The following SNX30 variants were observed in gnomAD, a reference collection of about 807,000 sequenced individuals.
SNX30 encodes sorting nexin-30.
Under a neutral mutation model 46.4 loss-of-function variants are expected in SNX30, and 24 were observed. The observed-to-expected ratio is 0.52, with a 90% CI of 0.37 to 0.73. SNX30 has a LOEUF of 0.73. Ranked by LOEUF, SNX30 falls within the 30% of genes least tolerant of loss-of-function variation. SNX30 has a pLI of 0.00. For missense variants in SNX30, 533 were observed against 555.7 expected, an observed-to-expected ratio of 0.96 and a Z score of 0.41; for synonymous variants, 189 against 211.5, an observed-to-expected ratio of 0.89 and a Z score of 0.92.
At chr9:112,864,872 A>T (rs969222693) in intron 8 of SNX30, among the ~76,000 whole-genome samples, 1 of 152,090 alleles carries the variant, frequency 6.6e-6, no homozygotes, top group Non-Finnish European at 1.5e-5. Flanking sequence ...ACTTCAAAAT[A>T]TTGATTTTAA....
chr9:112,804,315 C>T (rs1178994861), intron 1 of SNX30, among the ~76,000 whole-genome samples: 1 of 152,198 alleles, frequency 6.6e-6, no homozygotes, highest in Non-Finnish European at 1.5e-5. Flanking sequence ...CAGGCATGCA[C>T]CACCATGTCC....
intron 7 of SNX30, among the ~76,000 whole-genome samples, chr9:112,857,455 C>T (rs1841152929): frequency 6.6e-6 from 1 of 152,040 alleles, no homozygotes; most frequent in South Asian, 2.1e-4. Flanking sequence ...TCCCAGAGGG[C>T]AGAGGACCAA....
chr9:112,813,240 A>T (rs1401585683), intron 2 of SNX30, among the ~76,000 whole-genome samples: 1 of 152,112 alleles, frequency 6.6e-6, no homozygotes, highest in Non-Finnish European at 1.5e-5. Flanking sequence ...GAGACAGAGG[A>T]TTGCTTAAGG....
intron 6 of SNX30, among the ~76,000 whole-genome samples, chr9:112,843,488 G>A (rs776872251): frequency 1.4e-4 from 22 of 152,132 alleles, no homozygotes; most frequent in Non-Finnish European, 2.6e-4. Context: ...GAGGGGAGCA[G>A]CCAGTGCAAA....
intron 1 of SNX30, among the ~76,000 whole-genome samples, chr9:112,757,107 A>G (rs1839362450): frequency 1.3e-5 from 2 of 152,196 alleles, no homozygotes; most frequent in African/African-American, 2.4e-5. Flanking sequence ...ACACTCCTCC[A>G]TATCTGCTAT....
At chr9:112,833,056 C>T (rs1011986907) in intron 4 of SNX30, among the ~76,000 whole-genome samples, 7 of 151,944 alleles carry the variant, frequency 4.6e-5, no homozygotes, top group Admixed American at 4.6e-4. Context: ...TGATAAAATA[C>T]ACCTAACATT....
chr9:112,777,851 A>G (rs1236868625), intron 1 of SNX30, among the ~76,000 whole-genome samples: 1 of 151,394 alleles, frequency 6.6e-6, no homozygotes, highest in East Asian at 1.9e-4. Flanking sequence ...TTTATCTTTT[A>G]CCCCTCATTT....
At chr9:112,868,695 A>G (rs1256041177) in intron 8 of SNX30, 89 bp from the exon 9 acceptor site, 14 of 1,397,944 alleles carry the variant, frequency 1.0e-5, no homozygotes. Flanking sequence ...AGCAGGATCG[A>G]CAACGAAAGG....
chr9:112,857,374 C>T (rs1312874782), intron 7 of SNX30, among the ~76,000 whole-genome samples: 1 of 152,174 alleles, frequency 6.6e-6, no homozygotes, highest in East Asian at 1.9e-4. Flanking sequence ...CTGTTTTCAC[C>T]TCACAGCTCA....
intron 2 of SNX30, among the ~76,000 whole-genome samples, chr9:112,817,400 G>GTTT (rs1256963697): frequency 2.9e-5 from 1 of 34,390 alleles, no homozygotes; most frequent in Non-Finnish European, 4.5e-5. Flanking sequence ...AAAAAAACTG[G>GTTT]CTTTTTTTTT....
At chr9:112,816,547 A>G (rs1840398595) in intron 2 of SNX30, among the ~76,000 whole-genome samples, 1 of 152,176 alleles carries the variant, frequency 6.6e-6, no homozygotes, top group Non-Finnish European at 1.5e-5. Flanking sequence ...CAATGCAGTT[A>G]GTTGGGGGTC....
intron 1 of SNX30, among the ~76,000 whole-genome samples, chr9:112,773,764 T>C (rs1255665277): frequency 6.6e-6 from 1 of 152,196 alleles, no homozygotes; most frequent in African/African-American, 2.4e-5. Flanking sequence ...TACTATAAAT[T>C]ATGACTTCAA....
chr9:112,826,797 G>C (rs991795016), intron 3 of SNX30, among the ~76,000 whole-genome samples: 1 of 152,158 alleles, frequency 6.6e-6, no homozygotes, highest in Non-Finnish European at 1.5e-5. Flanking sequence ...CTAAAGGAAC[G>C]GGGGAGAGAA....
intron 3 of SNX30, among the ~76,000 whole-genome samples, chr9:112,818,292 CCCAGGTTCAAGTGGATCACCTGCCCCTA>C (rs1467553045): frequency 1.3e-5 from 2 of 151,912 alleles, no homozygotes; most frequent in East Asian, 1.9e-4. Context: ...ACCTCCGACT[CCCAGGTTCAAGTGGATCACCTGCCCCTA>C]CCAGGTTCAA....
chr9:112,815,500 A>G (rs1465043582), intron 2 of SNX30, among the ~76,000 whole-genome samples: 1 of 151,898 alleles, frequency 6.6e-6, no homozygotes, highest in African/African-American at 2.4e-5. Context: ...AGCTGGGATT[A>G]CAGGCACCCA....
Position 112,751,137 on chromosome 9 carries a change from GC to G in SNX30, c.139del (p.Arg47AlafsTer48). 6.7e-7 allele frequency: 1 copy of G among 1,495,248 alleles called. No homozygotes were observed. 92.6% of individuals were successfully genotyped at this position (1,495,248 alleles called of 1,614,324 possible). A position where few individuals can be genotyped will look rare whatever the true frequency, so the allele number is the denominator to read the frequency against. ...DSTPSPDLLMARSFGDKDLIL... is the reference protein window; with the variant it reads ...DSTPSPDLLMXRSFGDKDLIL... The stretch of plus-strand genomic sequence containing the variant: ...CACGCCCAGCCCGGACCTGCTGATG[GC>G]CCGCAGCTTCGGTGACAAGGTGGGG... On this transcript the variant is annotated frameshift_variant, in exon 1 of 9. Coordinates refer to ENST00000374232, the MANE Select transcript of SNX30 (RefSeq NM_001012994.2). LOFTEE classifies it high-confidence loss of function.
intron 5 of SNX30, among the ~76,000 whole-genome samples, chr9:112,837,592 C>T (rs1232465262): frequency 6.6e-6 from 1 of 152,038 alleles, no homozygotes. Context: ...TCTCCTGCCT[C>T]AGCCTCCTGA....
intron 3 of SNX30, among the ~76,000 whole-genome samples, chr9:112,821,895 G>A (rs901470002): frequency 6.6e-6 from 1 of 152,028 alleles, no homozygotes; most frequent in East Asian, 1.9e-4. Flanking sequence ...AGGATCAAGC[G>A]ATTCTCCCAC....
At chr9:112,857,922 C>T (rs949675072) in intron 7 of SNX30, among the ~76,000 whole-genome samples, 1 of 152,160 alleles carries the variant, frequency 6.6e-6, no homozygotes, top group Non-Finnish European at 1.5e-5. Flanking sequence ...GTTACTGTCC[C>T]GTTCCCCAGC....
Sources: gnomAD v4.1 joint callset for allele counts (sites outside exome capture counted in the v4.1 genomes callset) on GRCh38, gnomAD v4.1.1 for gene constraint, MANE v1.5 for transcripts, NCBI Gene and HGNC (gene_info 2026-07-23, HGNC 2026-07-21) for gene names.